UGGT2: variants seen among roughly 807,000 people sequenced by gnomAD.
The protein encoded by UGGT2 is UDP-glucose glycoprotein glucosyltransferase 2, also known as UDP-glucose:glycoprotein glucosyltransferase 2.
UGGT2 carries 180 observed loss-of-function variants against 192.1 expected under a neutral mutation model. That is an observed-to-expected ratio of 0.94 (90% CI 0.83 to 1.06). The LOEUF (loss-of-function observed/expected upper bound fraction) is 1.06, where lower values mean the gene tolerates loss of function less well. Ranked by LOEUF, UGGT2 falls within the 50% of genes least tolerant of loss-of-function variation. The pLI, the probability that UGGT2 is intolerant of heterozygous loss-of-function variation, is 0.00. For synonymous variants in UGGT2, 580 were observed against 591.0 expected, an observed-to-expected ratio of 0.98 and a Z score of 0.27; for missense variants, 1,849 against 1,795.7, an observed-to-expected ratio of 1.03 and a Z score of -0.54.
At chr13:95,842,566 T>C (rs537028494) in intron 36 of UGGT2, among the ~76,000 whole-genome samples, 36 of 152,322 alleles carry the variant, frequency 2.4e-4, no homozygotes, top group Non-Finnish European at 4.9e-4. Context: ...TTCCTTCTCC[T>C]GGTCTGGCTG....
intron 1 of UGGT2, among the ~76,000 whole-genome samples, chr13:96,038,862 G>A (rs9556521): frequency 0.43 from 65,573 of 151,748 alleles, 14,397 homozygotes; most frequent in Non-Finnish European, 0.46. Context: ...TGTAAATATC[G>A]TCAACTTCAT....
At chr13:95,922,142 T>C (rs986788174) in intron 20 of UGGT2, among the ~76,000 whole-genome samples, 1 of 152,262 alleles carries the variant, frequency 6.6e-6, no homozygotes, top group Non-Finnish European at 1.5e-5. Flanking sequence ...AATGAGATCA[T>C]GTCCTTCGCA....
intron 36 of UGGT2, among the ~76,000 whole-genome samples, chr13:95,845,789 C>A (rs1054447008): frequency 6.7e-6 from 1 of 149,876 alleles, no homozygotes; most frequent in Non-Finnish European, 1.5e-5. Flanking sequence ...GGGTCGCGGC[C>A]GGGCAGAGGC....
intron 15 of UGGT2, among the ~76,000 whole-genome samples, chr13:95,941,397 G>C (rs1057494574): frequency 1.6e-4 from 24 of 152,242 alleles, no homozygotes; most frequent in African/African-American, 5.8e-4. Context: ...GCACAGGTAT[G>C]TAATTAGACT....
intron 37 of UGGT2, 119 bp from the exon 38 acceptor site, chr13:95,833,172 T>C (rs1400884554): frequency 9.8e-6 from 11 of 1,126,164 alleles, no homozygotes; most frequent in Non-Finnish European, 1.4e-5. Context: ...TACTAAGTAC[T>C]GGAAGTTTAA....
At chr13:95,942,224 GTGTGT>G (rs1566734836) in intron 15 of UGGT2, among the ~76,000 whole-genome samples, 6,531 of 82,660 alleles carry the variant, frequency 0.079, 195 homozygotes, top group East Asian at 0.12. Flanking sequence ...GGGTGAGGGT[GTGTGT>G]GTGTGTGTGT....
At chr13:95,822,664 T>C (rs979967719) in intron 38 of UGGT2, among the ~76,000 whole-genome samples, 1 of 152,128 alleles carries the variant, frequency 6.6e-6, no homozygotes, top group Non-Finnish European at 1.5e-5. Context: ...ATGTCTCCGG[T>C]TTCATTTCGA....
In UGGT2 at chr13:96,007,638, C is replaced by T. The variant is rs145001043; in HGVS notation, c.660+5669G>A. ...TAAAATCAATATACAAAATTCAGTA[C>T]TATTTATATACACAAATAGCAAACA... On this transcript the variant is annotated intron_variant, in intron 5 of 38. Transcript: ENST00000376747. 4.6e-3 allele frequency among the ~76,000 whole-genome samples: 704 copies of T among 152,064 alleles called. 8 individuals are homozygous for T. Among genetic ancestry groups the T allele is most frequent in the African/African-American group, 0.016 (663 of 41,484 alleles).
intron 36 of UGGT2, among the ~76,000 whole-genome samples, chr13:95,837,885 C>G (rs764666498): frequency 6.7e-6 from 1 of 149,544 alleles, no homozygotes; most frequent in Non-Finnish European, 1.5e-5. Flanking sequence ...GGTTGTCCTA[C>G]ATAAGCTCCA....
At chr13:95,804,256 G>A (rs185452541) in intron 38 of UGGT2, among the ~76,000 whole-genome samples, 1 of 152,190 alleles carries the variant, frequency 6.6e-6, no homozygotes, top group Non-Finnish European at 1.5e-5. Context: ...TAATCTAGGA[G>A]GTGATACATG....
chr13:95,865,949 G>A (rs1728068850), intron 30 of UGGT2, among the ~76,000 whole-genome samples: 1 of 152,186 alleles, frequency 6.6e-6, no homozygotes, highest in Admixed American at 6.6e-5. Flanking sequence ...AAGAGATTAA[G>A]TAATCCGTCC....
chr13:95,952,828 A>C (rs2050107815), intron 12 of UGGT2, among the ~76,000 whole-genome samples: 1 of 152,186 alleles, frequency 6.6e-6, no homozygotes, highest in Non-Finnish European at 1.5e-5. Flanking sequence ...AAATTAACTA[A>C]ATTCTCCATA....
chr13:95,936,453 G>A (rs867332025), intron 17 of UGGT2, among the ~76,000 whole-genome samples: 4 of 152,204 alleles, frequency 2.6e-5, no homozygotes, highest in Non-Finnish European at 5.9e-5. Flanking sequence ...TGTGCACAGT[G>A]GTCTGGCCTC....
intron 38 of UGGT2, among the ~76,000 whole-genome samples, chr13:95,819,362 A>G (rs1885253670): frequency 6.6e-6 from 1 of 152,022 alleles, no homozygotes; most frequent in Non-Finnish European, 1.5e-5. Flanking sequence ...ACTGTCTAAC[A>G]TTTATTTATA....
chr13:96,041,635 A>G (rs2053167037), intron 1 of UGGT2, among the ~76,000 whole-genome samples: 1 of 152,144 alleles, frequency 6.6e-6, no homozygotes, highest in South Asian at 2.1e-4. Flanking sequence ...CTAAGTTCTC[A>G]GCCCTGCTCG....
intron 1 of UGGT2, among the ~76,000 whole-genome samples, chr13:96,052,917 T>G (rs1163983519): frequency 6.6e-6 from 1 of 152,162 alleles, no homozygotes; most frequent in Non-Finnish European, 1.5e-5. Flanking sequence ...GCAGGGAAGC[T>G]TTAAAAATCG....
intron 1 of UGGT2, among the ~76,000 whole-genome samples, chr13:96,040,528 G>C (rs1405275507): frequency 6.6e-6 from 1 of 152,118 alleles, no homozygotes; most frequent in Non-Finnish European, 1.5e-5. Context: ...CACAGGTTCT[G>C]GGAGTTAGGA....
At chr13:96,013,941 C>T (rs927653952) in intron 4 of UGGT2, among the ~76,000 whole-genome samples, 4 of 152,142 alleles carry the variant, frequency 2.6e-5, no homozygotes, top group African/African-American at 4.8e-5. Context: ...AACCAGGACT[C>T]TTATGGTCTA....
chr13:95,877,583 G>A, intron 28 of UGGT2, 115 bp downstream of exon 28: 1 of 1,251,822 alleles, frequency 8.0e-7, no homozygotes, highest in South Asian at 1.9e-5. Flanking sequence ...ATTCAATTTT[G>A]TTTTCTGCAA....
Sources: allele counts gnomAD v4.1 joint callset (sites outside exome capture counted in the v4.1 genomes callset), GRCh38; gene constraint gnomAD v4.1.1; transcripts MANE v1.5; gene names NCBI Gene and HGNC (gene_info 2026-07-23, HGNC 2026-07-21).